Variants in MSN observed in about 807,000 individuals in gnomAD.
MSN encodes the protein moesin.
Under a neutral mutation model 48.0 loss-of-function variants are expected in MSN, and 2 were observed. The ratio of observed to expected loss-of-function variants is 0.04; its 90% CI spans 0.02 to 0.13. The LOEUF (loss-of-function observed/expected upper bound fraction) is 0.13. MSN is among the 10% of genes least tolerant of loss of function. The pLI is 1.00. For missense variants in MSN, 267 were observed against 470.1 expected, an observed-to-expected ratio of 0.57 and a Z score of 3.99; for synonymous variants, 146 against 166.9, an observed-to-expected ratio of 0.87 and a Z score of 0.97.
intron 1 of MSN, among the ~76,000 whole-genome samples, chrX:65,716,187 A>C (rs2071463031): frequency 8.9e-6 from 1 of 112,091 alleles, no homozygotes; most frequent in South Asian, 3.7e-4. Flanking sequence ...ACCCTGTGAG[A>C]TGAAGCTGTC....
chrX:65,641,592 ATATATATATT>A (rs1393405811), intron 1 of MSN, among the ~76,000 whole-genome samples: 6 of 63,962 alleles, frequency 9.4e-5, no homozygotes, highest in African/African-American at 4.1e-4. Context: ...ATATATATAT[ATATATATATT>A]TTAGCATATT....
intron 1 of MSN, among the ~76,000 whole-genome samples, chrX:65,694,304 G>A (rs781008710): frequency 1.8e-5 from 2 of 110,241 alleles, no homozygotes; most frequent in East Asian, 5.7e-4. Context: ...TTGTGAGTGT[G>A]CCTCCTATAC....
At chrX:65,604,212 C>T (rs190063200) in intron 1 of MSN, among the ~76,000 whole-genome samples, 39 of 111,831 alleles carry the variant, frequency 3.5e-4, no homozygotes, top group Middle Eastern at 9.2e-3. Flanking sequence ...AACAACTACT[C>T]TATATCATGC....
intron 1 of MSN, among the ~76,000 whole-genome samples, chrX:65,591,532 G>C (rs1046012193): frequency 8.9e-6 from 1 of 112,046 alleles, no homozygotes; most frequent in Non-Finnish European, 1.9e-5. Context: ...TTGATCCAGA[G>C]GGATGGACCC....
chrX:65,635,499 G>A (rs1350471164), intron 1 of MSN, among the ~76,000 whole-genome samples: 1 of 111,921 alleles, frequency 8.9e-6, no homozygotes, highest in Non-Finnish European at 1.9e-5. Flanking sequence ...GGTTTATTCA[G>A]TCAGGGGACG....
intron 1 of MSN, among the ~76,000 whole-genome samples, chrX:65,656,733 G>A (rs907939290): frequency 1.8e-4 from 20 of 111,661 alleles, no homozygotes; most frequent in Middle Eastern, 4.6e-3. Flanking sequence ...GAGAGCACGA[G>A]GAGGGCAGGA....
At chrX:65,606,868 G>A (rs919413778) in intron 1 of MSN, among the ~76,000 whole-genome samples, 3 of 112,498 alleles carry the variant, frequency 2.7e-5, no homozygotes, top group Non-Finnish European at 5.6e-5. Flanking sequence ...TTATCAAACA[G>A]TCACTATTTG....
intron 1 of MSN, among the ~76,000 whole-genome samples, chrX:65,636,052 C>G (rs775124701): frequency 8.9e-6 from 1 of 111,944 alleles, no homozygotes; most frequent in Non-Finnish European, 1.9e-5. Context: ...CATCTCTGCC[C>G]TAGTTTACTC....
At chrX:65,649,104 C>T (rs2070718721) in intron 1 of MSN, among the ~76,000 whole-genome samples, 1 of 107,709 alleles carries the variant, frequency 9.3e-6, no homozygotes, top group Non-Finnish European at 1.9e-5. Flanking sequence ...AAAATGGTTG[C>T]CGAAAGGCAG....
At chrX:65,736,598 C>T (rs148700231) in intron 8 of MSN, among the ~76,000 whole-genome samples, 197 bp from the exon 9 acceptor site, 1,809 of 110,548 alleles carry the variant, frequency 0.016, 44 homozygotes, top group African/African-American at 0.056. Flanking sequence ...CTATGCCCAG[C>T]CAATTTTTTT....
intron 1 of MSN, among the ~76,000 whole-genome samples, chrX:65,670,375 G>A (rs1357564494): frequency 9.0e-6 from 1 of 111,496 alleles, no homozygotes; most frequent in African/African-American, 3.3e-5. Context: ...TCTAGGGTCG[G>A]TTTCACTTTT....
chrX:65,657,459 G>T (rs2148377748), intron 1 of MSN, among the ~76,000 whole-genome samples: 1 of 107,970 alleles, frequency 9.3e-6, no homozygotes, highest in South Asian at 3.8e-4. Context: ...GGCAGGGCTG[G>T]GGGGGCTGAT....
chrX:65,652,635 C>G (rs2070750803), intron 1 of MSN, among the ~76,000 whole-genome samples: 1 of 111,424 alleles, frequency 9.0e-6, no homozygotes, highest in African/African-American at 3.3e-5. Context: ...TTTCAGATGT[C>G]CCCCAAAGCA....
intron 1 of MSN, among the ~76,000 whole-genome samples, chrX:65,662,587 CAGA>C (rs1465836531): frequency 3.6e-5 from 4 of 112,295 alleles, no homozygotes; most frequent in Non-Finnish European, 7.5e-5. Flanking sequence ...TAGCCATATG[CAGA>C]AGAATGAAAC....
chrX:65,684,339 GCCATCTTTTAATGTCAAATCCGAT>G (rs1427552791), intron 1 of MSN, among the ~76,000 whole-genome samples: 1 of 111,908 alleles, frequency 8.9e-6, no homozygotes, highest in African/African-American at 3.2e-5. Flanking sequence ...GTATGTGCTG[GCCATCTTTTAATGTCAAATCCGAT>G]TTTAAAGTCT....
chrX:65,649,936 G>C (rs757495931), intron 1 of MSN, among the ~76,000 whole-genome samples: 2 of 107,198 alleles, frequency 1.9e-5, no homozygotes, highest in South Asian at 8.1e-4. Context: ...TCCAGAAAAG[G>C]TTCTGGAATG....
intron 1 of MSN, among the ~76,000 whole-genome samples, chrX:65,658,744 A>C (rs2070800107): frequency 8.9e-6 from 1 of 112,190 alleles, no homozygotes; most frequent in South Asian, 3.7e-4. Flanking sequence ...ATATATTTGC[A>C]GATGATTAAA....
At chrX:65,664,194 A>G (rs973762749), upstream of MSN, among the ~76,000 whole-genome samples, 14 of 112,085 alleles carry the variant, frequency 1.2e-4, no homozygotes, top group Non-Finnish European at 1.5e-4. Context: ...ACAGGAGGCC[A>G]TAATCCTAAG....
At chrX:65,641,594 ATATATATT>A (rs1272352341) in intron 1 of MSN, among the ~76,000 whole-genome samples, 18 of 62,404 alleles carry the variant, frequency 2.9e-4, no homozygotes, top group African/African-American at 1.2e-3. Flanking sequence ...ATATATATAT[ATATATATT>A]TTAGCATATT....
Sources: allele counts gnomAD v4.1 joint callset (sites outside exome capture counted in the v4.1 genomes callset), GRCh38; gene constraint gnomAD v4.1.1; transcripts MANE v1.5; gene names NCBI Gene and HGNC (gene_info 2026-07-23, HGNC 2026-07-21).